Variants in PCDH9 observed in about 807,000 individuals in gnomAD.
PCDH9 encodes the protein protocadherin 9, also known as protocadherin-9.
In PCDH9, 24 loss-of-function variants were observed where a neutral mutation model predicts 70.6. The ratio of observed to expected loss-of-function variants is 0.34; its 90% CI spans 0.25 to 0.48. The LOEUF is 0.48. PCDH9 is among the 20% of genes least tolerant of loss of function. The pLI, the probability that PCDH9 is intolerant of heterozygous loss-of-function variation, is 0.99. For synonymous variants in PCDH9, 562 were observed against 558.5 expected (o/e 1.01, Z -0.09); for missense variants, 1,281 against 1,503.6 (o/e 0.85, Z 2.45).
intron 3 of PCDH9, among the ~76,000 whole-genome samples, chr13:66,659,664 G>C (rs2139012683): frequency 6.6e-6 from 1 of 151,898 alleles, no homozygotes; most frequent in South Asian, 2.1e-4. Flanking sequence ...TTCCCTGAAA[G>C]ACTTTTTAAA....
intron 4 of PCDH9, among the ~76,000 whole-genome samples, chr13:66,403,265 G>A (rs1357182808): frequency 2.0e-5 from 3 of 151,332 alleles, no homozygotes; most frequent in Non-Finnish European, 2.9e-5. Context: ...TTAGCCTCCC[G>A]AGTAGCTGGT....
chr13:66,847,113 A>T (rs1006817901), intron 3 of PCDH9, among the ~76,000 whole-genome samples: 8 of 152,270 alleles, frequency 5.3e-5, no homozygotes, highest in Non-Finnish European at 1.2e-4. Flanking sequence ...CTATTAAGTA[A>T]CCTCTCTTTT....
At chr13:66,949,756 A>G (rs2083147321) in intron 2 of PCDH9, among the ~76,000 whole-genome samples, 1 of 152,112 alleles carries the variant, frequency 6.6e-6, no homozygotes, top group Non-Finnish European at 1.5e-5. Context: ...TGAGTAAAGA[A>G]ACAAGTTAAA....
At chr13:67,185,237 A>G (rs2088721937) in intron 2 of PCDH9, among the ~76,000 whole-genome samples, 1 of 152,274 alleles carries the variant, frequency 6.6e-6, no homozygotes, top group African/African-American at 2.4e-5. Context: ...TGCAATGTAG[A>G]TTTTTACTCT....
chr13:67,100,984 C>T (rs1239528883), intron 2 of PCDH9, among the ~76,000 whole-genome samples: 1 of 152,206 alleles, frequency 6.6e-6, no homozygotes, highest in African/African-American at 2.4e-5. Context: ...GATTTACCCT[C>T]TGAAAGGGGT....
At chr13:66,518,042 A>C (rs534612211) in intron 4 of PCDH9, among the ~76,000 whole-genome samples, 2 of 152,220 alleles carry the variant, frequency 1.3e-5, no homozygotes, top group African/African-American at 4.8e-5. Flanking sequence ...AGAGAGGTTC[A>C]ACTGGTTCAC....
At chr13:66,474,410 G>T (rs898129765) in intron 4 of PCDH9, among the ~76,000 whole-genome samples, 2 of 152,060 alleles carry the variant, frequency 1.3e-5, no homozygotes, top group East Asian at 1.9e-4. Context: ...CTGAAGCAGG[G>T]TACAATAGAT....
chr13:66,909,349 T>C (rs911361304), intron 2 of PCDH9, among the ~76,000 whole-genome samples: 9 of 152,260 alleles, frequency 5.9e-5, no homozygotes, highest in African/African-American at 2.2e-4. Flanking sequence ...AGGATTAATG[T>C]TGTTAAAATG....
chr13:66,651,179 C>T (rs1340357119), intron 3 of PCDH9, among the ~76,000 whole-genome samples: 1 of 151,164 alleles, frequency 6.6e-6, no homozygotes, highest in African/African-American at 2.4e-5. Flanking sequence ...AAAAATAATA[C>T]AGATCAGAGG....
intron 3 of PCDH9, among the ~76,000 whole-genome samples, chr13:66,727,327 A>C (rs2079018486): frequency 6.6e-6 from 1 of 152,136 alleles, no homozygotes; most frequent in Admixed American, 6.5e-5. Flanking sequence ...TACACATTAA[A>C]CTTATATTCT....
At position 67,133,497 on chromosome 13, in the gene PCDH9, G is replaced by A. The variant is rs17082157; in HGVS notation, c.3036+91908C>T. ...TTAAAAAGTTGGATTACATAATATA[G>A]GATGCTTTACTGTCTGTAATTCTAT... On this transcript the variant is annotated intron_variant, in intron 2 of 4. Coordinates refer to ENST00000377865, the MANE Select transcript of PCDH9 (RefSeq NM_203487.3). Among the ~76,000 whole-genome samples the A allele has an allele frequency of 3.4e-3, 523 of 152,094 alleles. 6 individuals are homozygous for A. Among genetic ancestry groups the A allele is most frequent in the African/African-American group, 0.011 (470 of 41,532 alleles).
At chr13:66,949,277 A>G (rs2083139672) in intron 2 of PCDH9, among the ~76,000 whole-genome samples, 1 of 152,144 alleles carries the variant, frequency 6.6e-6, no homozygotes, top group African/African-American at 2.4e-5. Context: ...CAGCTGAATT[A>G]TTCTTTTCCA....
intron 2 of PCDH9, among the ~76,000 whole-genome samples, chr13:67,192,495 G>T (rs1010352951): frequency 2.6e-5 from 4 of 152,086 alleles, no homozygotes; most frequent in Non-Finnish European, 5.9e-5. Context: ...AAACCCATAG[G>T]TTTATGAGTG....
At chr13:66,710,206 T>G (rs1027584386) in intron 3 of PCDH9, among the ~76,000 whole-genome samples, 1 of 152,106 alleles carries the variant, frequency 6.6e-6, no homozygotes, top group Non-Finnish European at 1.5e-5. Context: ...TTACTGAAAA[T>G]TAATATATAG....
intron 3 of PCDH9, among the ~76,000 whole-genome samples, chr13:66,767,788 A>C (rs1172620848): frequency 6.6e-6 from 1 of 152,066 alleles, no homozygotes; most frequent in Non-Finnish European, 1.5e-5. Flanking sequence ...ATTTCACCAA[A>C]GAGATATTAA....
intron 3 of PCDH9, among the ~76,000 whole-genome samples, chr13:66,710,992 A>T (rs1457123170): frequency 6.6e-6 from 1 of 152,130 alleles, no homozygotes; most frequent in East Asian, 1.9e-4. Flanking sequence ...CACATCTCAT[A>T]GTCCATTTCC....
chr13:66,778,291 T>C (rs1019875438), intron 3 of PCDH9, among the ~76,000 whole-genome samples: 4 of 151,894 alleles, frequency 2.6e-5, no homozygotes, highest in Non-Finnish European at 4.4e-5. Context: ...ATAATAATAA[T>C]AATAAAAATA....
chr13:66,792,173 C>T (rs1390146884), intron 3 of PCDH9, among the ~76,000 whole-genome samples: 6 of 152,050 alleles, frequency 3.9e-5, no homozygotes, highest in Admixed American at 2.0e-4. Context: ...CTATTACCTT[C>T]GAGATTTATT....
chr13:67,031,034 T>C (rs1414043327), intron 2 of PCDH9, among the ~76,000 whole-genome samples: 1 of 152,202 alleles, frequency 6.6e-6, no homozygotes, highest in Non-Finnish European at 1.5e-5. Context: ...AAGGAGTTAC[T>C]GCTTCCTACT....
Sources: gnomAD v4.1 joint callset for allele counts (sites outside exome capture counted in the v4.1 genomes callset) on GRCh38, gnomAD v4.1.1 for gene constraint, MANE v1.5 for transcripts, NCBI Gene and HGNC (gene_info 2026-07-23, HGNC 2026-07-21) for gene names.